The following RABGAP1L variants were observed in gnomAD, a reference collection of about 807,000 sequenced individuals.
RABGAP1L encodes the protein rab GTPase-activating protein 1-like.
A neutral mutation model predicts 137.7 loss-of-function variants in RABGAP1L; 63 were observed. The ratio of observed to expected loss-of-function variants is 0.46; its 90% CI spans 0.37 to 0.56. The LOEUF is 0.56. RABGAP1L is among the 20% of genes least tolerant of loss of function. The probability of loss-of-function intolerance (pLI) is 0.00; values close to 1 mark genes in which losing one functional copy is unlikely to be tolerated. For synonymous variants in RABGAP1L, 431 were observed against 433.7 expected (o/e 0.99, Z 0.08); for missense variants, 1,095 against 1,244.0 (o/e 0.88, Z 1.80).
At chr1:174,211,937 T>C (rs1342476203) in intron 1 of RABGAP1L, among the ~76,000 whole-genome samples, 1 of 152,118 alleles carries the variant, frequency 6.6e-6, no homozygotes, top group Non-Finnish European at 1.5e-5. Context: ...ATATAATGAT[T>C]GTACATATAT....
At chr1:174,398,726 T>C (rs1648186382) in intron 13 of RABGAP1L, among the ~76,000 whole-genome samples, 1 of 152,148 alleles carries the variant, frequency 6.6e-6, no homozygotes, top group Non-Finnish European at 1.5e-5. Context: ...GATAGACACA[T>C]TGATTTATCC....
chr1:174,626,350 G>GT (rs1196141242), intron 13 of RABGAP1L, among the ~76,000 whole-genome samples: 32 of 152,310 alleles, frequency 2.1e-4, no homozygotes, highest in Non-Finnish European at 1.3e-4. Flanking sequence ...TTCTATTCAA[G>GT]TATTTTCCAC....
chr1:174,350,451 T>G, intron 11 of RABGAP1L, among the ~76,000 whole-genome samples: 1 of 89,958 alleles, frequency 1.1e-5, no homozygotes, highest in African/African-American at 4.5e-5. Flanking sequence ...ACATCCCAGA[T>G]GGGGCGGCGG....
chr1:174,550,503 C>T (rs1284831018), intron 13 of RABGAP1L, among the ~76,000 whole-genome samples: 2 of 152,050 alleles, frequency 1.3e-5, no homozygotes, highest in East Asian at 1.9e-4. Flanking sequence ...AGTCAGCCAG[C>T]GACTACTCTT....
chr1:174,585,445 C>G (rs1234170094), intron 13 of RABGAP1L, among the ~76,000 whole-genome samples: 1 of 152,096 alleles, frequency 6.6e-6, no homozygotes, highest in African/African-American at 2.4e-5. Context: ...CAAGTTTTCC[C>G]CAATTGGAAG....
intron 19 of RABGAP1L, among the ~76,000 whole-genome samples, chr1:174,931,990 GTTTTTTT>G (rs532860564): frequency 2.4e-4 from 17 of 69,648 alleles, no homozygotes; most frequent in South Asian, 1.3e-3. Flanking sequence ...TGCTTTTTTG[GTTTTTTT>G]TTTTTTTTTT....
intron 21 of RABGAP1L, among the ~76,000 whole-genome samples, chr1:174,971,601 A>T (rs1387106790): frequency 6.6e-6 from 1 of 152,204 alleles, no homozygotes; most frequent in Non-Finnish European, 1.5e-5. Context: ...ATGAAAGAAT[A>T]AAAACTGCTG....
intron 19 of RABGAP1L, among the ~76,000 whole-genome samples, chr1:174,845,089 T>C (rs1693908437): frequency 6.7e-6 from 1 of 150,124 alleles, no homozygotes. Context: ...TCCTGAGACT[T>C]TGCTGAAGTT....
intron 19 of RABGAP1L, among the ~76,000 whole-genome samples, chr1:174,886,343 G>C (rs919294771): frequency 6.6e-6 from 1 of 152,182 alleles, no homozygotes; most frequent in African/African-American, 2.4e-5. Flanking sequence ...ACTCACCACA[G>C]TGCGCAAGCT....
intron 13 of RABGAP1L, among the ~76,000 whole-genome samples, chr1:174,588,625 T>G (rs1463293939): frequency 6.6e-6 from 1 of 152,202 alleles, no homozygotes; most frequent in Non-Finnish European, 1.5e-5. Flanking sequence ...TCTCAACCTA[T>G]GGTAACTATC....
chr1:174,889,299 T>C (rs745984640), intron 19 of RABGAP1L, among the ~76,000 whole-genome samples: 2 of 152,160 alleles, frequency 1.3e-5, no homozygotes, highest in Non-Finnish European at 2.9e-5. Flanking sequence ...AATTTTTGTA[T>C]GTTTAGTAGA....
intron 20 of RABGAP1L, among the ~76,000 whole-genome samples, chr1:174,967,329 A>G (rs1304118308): frequency 7.7e-6 from 1 of 129,220 alleles, no homozygotes; most frequent in African/African-American, 3.4e-5. Flanking sequence ...CCACCCAGCT[A>G]ATTTTTTTTT....
chr1:174,851,765 C>T (rs1648397468), intron 19 of RABGAP1L, among the ~76,000 whole-genome samples: 1 of 151,934 alleles, frequency 6.6e-6, no homozygotes, highest in African/African-American at 2.4e-5. Flanking sequence ...TAGCAGTCCT[C>T]CCACCTCAGC....
chr1:174,306,627 C>T (rs75109372), intron 11 of RABGAP1L, among the ~76,000 whole-genome samples: 11,110 of 152,070 alleles, frequency 0.073, 598 homozygotes, highest in East Asian at 0.32. Context: ...ATGATTGTTA[C>T]GTCATGTCCT....
intron 5 of RABGAP1L, 151 bp downstream of exon 5, chr1:174,241,808 G>A (rs1671850475): frequency 1.4e-6 from 1 of 739,066 alleles, no homozygotes; most frequent in Non-Finnish European, 2.1e-6. Flanking sequence ...AGAACTGAAT[G>A]TGGAAAGCCA....
chr1:174,960,230 G>C (rs1668968192), intron 20 of RABGAP1L, among the ~76,000 whole-genome samples: 1 of 152,110 alleles, frequency 6.6e-6, no homozygotes, highest in South Asian at 2.1e-4. Flanking sequence ...ATTTTAAGAG[G>C]TATTTCAGTT....
chr1:174,507,652 T>C (rs1166945947), intron 13 of RABGAP1L, among the ~76,000 whole-genome samples: 1 of 152,116 alleles, frequency 6.6e-6, no homozygotes, highest in Non-Finnish European at 1.5e-5. Flanking sequence ...TGATTTACTA[T>C]CTTGTCACAC....
intron 13 of RABGAP1L, among the ~76,000 whole-genome samples, chr1:174,519,364 G>A (rs1235406800): frequency 3.9e-5 from 6 of 152,100 alleles, no homozygotes; most frequent in South Asian, 2.1e-4. Flanking sequence ...GGAGTCCGAT[G>A]TTTGAGGGCA....
At chr1:174,678,511 G>A (rs912918575) in intron 14 of RABGAP1L, among the ~76,000 whole-genome samples, 1 of 152,008 alleles carries the variant, frequency 6.6e-6, no homozygotes, top group Non-Finnish European at 1.5e-5. Flanking sequence ...TAATATAAAG[G>A]ATAATAACTC....
Sources: gnomAD v4.1 joint callset for allele counts (sites outside exome capture counted in the v4.1 genomes callset) on GRCh38, gnomAD v4.1.1 for gene constraint, MANE v1.5 for transcripts, NCBI Gene and HGNC (gene_info 2026-07-23, HGNC 2026-07-21) for gene names.